The following CYTH3 variants were observed in gnomAD, a reference collection of about 807,000 sequenced individuals.
CYTH3 encodes the protein cytohesin 3.
A neutral mutation model predicts 55.1 loss-of-function variants in CYTH3; 23 were observed. The ratio of observed to expected loss-of-function variants is 0.42; its 90% CI spans 0.30 to 0.59. CYTH3 has a LOEUF of 0.59. Among genes scored for constraint, CYTH3 ranks in the 20% least tolerant of loss-of-function variants. The pLI, the probability that CYTH3 is intolerant of heterozygous loss-of-function variation, is 0.20. For synonymous variants in CYTH3, 249 were observed against 194.9 expected, an observed-to-expected ratio of 1.28 and a Z score of -2.31; for missense variants, 413 against 524.8, an observed-to-expected ratio of 0.79 and a Z score of 2.08.
At chr7:6,181,783 A>G (rs1012288721) in intron 4 of CYTH3, among the ~76,000 whole-genome samples, 3 of 152,098 alleles carry the variant, frequency 2.0e-5, no homozygotes, top group Non-Finnish European at 4.4e-5. Flanking sequence ...GTTTTCTTGT[A>G]GGTCTCTGCA....
intron 1 of CYTH3, among the ~76,000 whole-genome samples, chr7:6,223,836 TAAAAAAAAAAAAAAAA>T (rs58813864): frequency 1.6e-4 from 4 of 24,282 alleles, no homozygotes; most frequent in African/African-American, 4.9e-4. Flanking sequence ...CAATAAATAC[TAAAAAAAAAAAAAAAA>T]AAAAAAAAAA....
intron 4 of CYTH3, among the ~76,000 whole-genome samples, chr7:6,182,847 T>TTC (rs1464559561): frequency 1.3e-5 from 2 of 152,154 alleles, no homozygotes; most frequent in African/African-American, 2.4e-5. Flanking sequence ...CCAGCCTTAG[T>TTC]TCTTCTGTTT....
chr7:6,242,757 T>G (rs541046941), intron 1 of CYTH3, among the ~76,000 whole-genome samples: 102 of 152,256 alleles, frequency 6.7e-4, no homozygotes, highest in Non-Finnish European at 1.4e-3. Flanking sequence ...TGGAGCCAGA[T>G]GCTCTGAGTC....
At chr7:6,209,402 C>T (rs1784272909) in intron 1 of CYTH3, among the ~76,000 whole-genome samples, 1 of 152,202 alleles carries the variant, frequency 6.6e-6, no homozygotes, top group Admixed American at 6.5e-5. Flanking sequence ...TCTACCCTAG[C>T]TAACTGAAAA....
intron 1 of CYTH3, among the ~76,000 whole-genome samples, chr7:6,205,981 TA>T (rs1784178270): frequency 6.7e-6 from 1 of 150,208 alleles, no homozygotes; most frequent in African/African-American, 2.5e-5. Context: ...AACAACTGCT[TA>T]AACCCAAAAC....
intron 1 of CYTH3, among the ~76,000 whole-genome samples, chr7:6,235,342 T>C (rs983647161): frequency 6.6e-6 from 1 of 152,072 alleles, no homozygotes; most frequent in Non-Finnish European, 1.5e-5. Context: ...CTGGGTGTGG[T>C]GGCACATGCC....
chr7:6,206,924 C>G (rs1784202689), intron 1 of CYTH3, among the ~76,000 whole-genome samples: 1 of 151,992 alleles, frequency 6.6e-6, no homozygotes, highest in Non-Finnish European at 1.5e-5. Flanking sequence ...TTTAGAGAGA[C>G]TACTAACTAC....
intron 1 of CYTH3, among the ~76,000 whole-genome samples, chr7:6,193,016 C>CA (rs1234557904): frequency 6.6e-6 from 1 of 151,628 alleles, no homozygotes; most frequent in African/African-American, 2.4e-5. Context: ...ACTAAAAATA[C>CA]AAAAAATTAG....
intron 1 of CYTH3, among the ~76,000 whole-genome samples, chr7:6,213,404 T>G (rs1239351602): frequency 6.6e-6 from 1 of 152,156 alleles, no homozygotes; most frequent in African/African-American, 2.4e-5. Context: ...TTTAGGAAGA[T>G]TTCCACAATT....
At chr7:6,255,419 C>G (rs1359435377) in intron 1 of CYTH3, among the ~76,000 whole-genome samples, 1 of 152,156 alleles carries the variant, frequency 6.6e-6, no homozygotes, top group Admixed American at 6.5e-5. Flanking sequence ...TTCTGAAATC[C>G]TAATTCCTAG....
intron 1 of CYTH3, among the ~76,000 whole-genome samples, chr7:6,213,451 G>A (rs558268367): frequency 2.0e-5 from 3 of 152,172 alleles, no homozygotes; most frequent in Admixed American, 6.5e-5. Flanking sequence ...CTTTAATAAC[G>A]TTGGTGCCTA....
chr7:6,233,269 C>T (rs573069308), intron 1 of CYTH3, among the ~76,000 whole-genome samples: 4 of 152,340 alleles, frequency 2.6e-5, no homozygotes, highest in East Asian at 3.9e-4. Context: ...ATCCTCTACA[C>T]ACTGTTTCTC....
chr7:6,189,604 C>T (rs900258808), intron 2 of CYTH3, among the ~76,000 whole-genome samples: 19 of 151,998 alleles, frequency 1.3e-4, no homozygotes, highest in Non-Finnish European at 7.4e-5. Context: ...CCGCTGTGCC[C>T]GGCCTAATGT....
Position 6,170,388 on chromosome 7 carries a change from G to A in CYTH3, c.823+147C>T, listed in dbSNP as rs1008898993. On this transcript the variant is annotated intron_variant, in intron 9 of 12. Transcript: ENST00000350796. This position sits in a 1 kb window ranked among gnomAD's most constrained non-coding sequence, Gnocchi z 7.8. ...AAGCAGCCGTGGCCATGCAGCTACC[G>A]AGAGCGGGCTCTGGCTTAACCGCGT... is the stretch of plus-strand genomic sequence containing the variant. 2.3e-5 allele frequency: 17 copies of A among 725,678 alleles called. No homozygotes were observed. The African/African-American group carries it at 2.7e-4, about 11-fold the overall frequency. The allele number at this position is 725,678 out of a possible 1,614,324, so 45.0% of individuals were successfully genotyped here.
In CYTH3 at chr7:6,167,727, T is replaced by G. The variant is rs1783054996; in HGVS notation, c.824-1917A>C. On this transcript the variant is annotated intron_variant, in intron 9 of 12. Transcript: ENST00000350796. This position sits in a 1 kb window ranked among gnomAD's most constrained non-coding sequence, Gnocchi z 5.5. The stretch of plus-strand genomic sequence containing the variant: ...TCTGAGTCTCCAGTTCTTGGGGAGC[T>G]CATCCAGGAGCCCCCAGGTTGTGTG... Among the ~76,000 whole-genome samples the G allele has an allele frequency of 6.6e-6, 1 of 152,198 alleles. No individual in the cohort carries two copies. Among genetic ancestry groups the G allele is most frequent in the Non-Finnish European group, 1.5e-5 (1 of 68,028 alleles).
chr7:6,186,690 G>A (rs1022596381), intron 4 of CYTH3, among the ~76,000 whole-genome samples: 1 of 152,156 alleles, frequency 6.6e-6, no homozygotes, highest in African/African-American at 2.4e-5. Flanking sequence ...TCCTAGTCAC[G>A]TGATTCCCTG....
intron 1 of CYTH3, among the ~76,000 whole-genome samples, chr7:6,202,036 G>T (rs1326578717): frequency 6.6e-6 from 1 of 152,162 alleles, no homozygotes; most frequent in East Asian, 1.9e-4. Flanking sequence ...ATGGTATTTT[G>T]AGGTTCCTCC....
chr7:6,221,227 A>T (rs1161404425), intron 1 of CYTH3, among the ~76,000 whole-genome samples: 1 of 152,192 alleles, frequency 6.6e-6, no homozygotes, highest in Non-Finnish European at 1.5e-5. Context: ...CTAGCAATAA[A>T]AGTGAATGAA....
In CYTH3 at chr7:6,164,879, G is replaced by A; in HGVS notation, c.*65C>T. ...GCCTCCCTGCCACGCCTTCCGCGGA[G>A]GGGCCGCCCGCGGTGTCTTTCTGCT... On this transcript the variant is annotated 3_prime_UTR_variant, in exon 13 of 13. Transcript: ENST00000350796. The A allele has an allele frequency of 6.3e-7, 1 of 1,581,018 alleles. No individual in the cohort carries two copies. Among genetic ancestry groups the A allele is most frequent in the Non-Finnish European group, 8.7e-7 (1 of 1,150,474 alleles).
Sources: gnomAD v4.1 joint callset for allele counts (sites outside exome capture counted in the v4.1 genomes callset) on GRCh38, gnomAD v4.1.1 for gene constraint, Gnocchi (gnomAD v3.1) non-coding constraint, MANE v1.5 for transcripts, NCBI Gene and HGNC (gene_info 2026-07-23, HGNC 2026-07-21) for gene names.